ABCC11: variants seen among roughly 807,000 people sequenced by gnomAD.
ABCC11 encodes the protein ATP-binding cassette sub-family C member 11.
ABCC11 carries 135 observed loss-of-function variants against 149.3 expected under a neutral mutation model. That is an observed-to-expected ratio of 0.90 (90% CI 0.79 to 1.04). ABCC11 has a LOEUF of 1.04. Among genes scored for constraint, ABCC11 ranks in the 50% least tolerant of loss-of-function variants. The pLI, the probability that ABCC11 is intolerant of heterozygous loss-of-function variation, is 0.00. For missense variants in ABCC11, 1,680 were observed against 1,722.1 expected, an observed-to-expected ratio of 0.98 and a Z score of 0.43; for synonymous variants, 665 against 671.4, an observed-to-expected ratio of 0.99 and a Z score of 0.15.
chr16:48,165,150 C>T (rs1289631801), downstream of ABCC11: 2 of 152,340 alleles, frequency 1.3e-5, no homozygotes, highest in Non-Finnish European at 2.9e-5. Context: ...CAGTGTCCCA[C>T]AGCAGTTCTG....
intron 13 of ABCC11, among the ~76,000 whole-genome samples, chr16:48,203,996 C>T (rs547768312): frequency 5.3e-5 from 8 of 152,296 alleles, no homozygotes; most frequent in Non-Finnish European, 1.2e-4. Flanking sequence ...TTTAGTATTC[C>T]ATTATATGGT....
intron 23 of ABCC11, among the ~76,000 whole-genome samples, chr16:48,182,184 AC>A (rs1966478387): frequency 6.6e-6 from 1 of 152,270 alleles, no homozygotes; most frequent in Non-Finnish European, 1.5e-5. Flanking sequence ...TCCAGCACAT[AC>A]ATGCACTCCA....
Position 48,231,881 on chromosome 16 carries a change from C to A in ABCC11, c.41G>T (p.Gly14Val), listed in dbSNP as rs994432426. ...GTCGATGCCACGATTCACGAGGCCA[C>A]CAGAAGAGTTGGGCACCCAGTATGT... Reference protein sequence around the residue: ...KRTYWVPNSSGGLVNRGIDIG... With the variant: ...KRTYWVPNSSVGLVNRGIDIG... The change falls in exon 2 of 30, where the codon GGT becomes GTT. Residue 14 changes from glycine (G) to valine (V), a missense_variant. Coordinates refer to ENST00000356608, the MANE Select transcript of ABCC11 (RefSeq NM_001370497.1). 4.3e-6 allele frequency: 7 copies of A among 1,614,034 alleles called. No homozygotes were observed. The Admixed American group carries it at 6.7e-5, about 15-fold the overall frequency.
intron 6 of ABCC11, among the ~76,000 whole-genome samples, chr16:48,218,766 C>G (rs1280409954): frequency 6.6e-6 from 1 of 152,184 alleles, no homozygotes; most frequent in Non-Finnish European, 1.5e-5. Flanking sequence ...GTAAGATGTG[C>G]CTTTCACCTT....
Position 48,222,505 on chromosome 16 carries a change from C to T in ABCC11, c.777+93G>A, listed in dbSNP as rs774398237. The T allele has an allele frequency of 3.3e-4, 344 of 1,039,636 alleles. 2 individuals carry two copies. Among genetic ancestry groups the T allele is most frequent in the Non-Finnish European group, 4.5e-4 (309 of 691,758 alleles). 64.4% of individuals were successfully genotyped at this position (1,039,636 alleles called of 1,614,324 possible). On this transcript the variant is annotated intron_variant, in intron 6 of 29. Coordinates refer to ENST00000356608, the MANE Select transcript of ABCC11 (RefSeq NM_001370497.1). The stretch of plus-strand genomic sequence containing the variant: ...TTTCTCTTTCTCCTTCCTCTTCTAA[C>T]CCCCTTTTCTCCCTCTCTTGGCCCC...
chr16:48,243,508 A>T (rs1461011211), intron 1 of ABCC11, among the ~76,000 whole-genome samples: 1 of 152,098 alleles, frequency 6.6e-6, no homozygotes, highest in Non-Finnish European at 1.5e-5. Context: ...GATCCTGGAT[A>T]TTGGATCCTG....
intron 11 of ABCC11, chr16:48,209,757 G>A (rs917780037): frequency 4.6e-5 from 7 of 152,046 alleles, no homozygotes; most frequent in African/African-American, 1.5e-4. Flanking sequence ...TCGGGTCACG[G>A]GTGCACTAAA....
intron 23 of ABCC11, among the ~76,000 whole-genome samples, chr16:48,182,354 C>A (rs1367696800): frequency 4.6e-5 from 7 of 151,942 alleles, no homozygotes; most frequent in African/African-American, 1.4e-4. Flanking sequence ...CCCTCAGACG[C>A]CTGGGAGTGC....
At chr16:48,242,201 A>G (rs1365649240) in intron 1 of ABCC11, among the ~76,000 whole-genome samples, 1 of 152,158 alleles carries the variant, frequency 6.6e-6, no homozygotes, top group African/African-American at 2.4e-5. Flanking sequence ...GTTTACAAGA[A>G]AAAATCAAAC....
rs775374302 is a variant in ABCC11 at position 48,200,418 on chromosome 16, G to A, written c.1940C>T (p.Ala647Val). Residue 647 changes from alanine to valine, a missense_variant, in exon 15 of 30, where the codon GCC becomes GTC. Ala to Val is a moderately conservative substitution (Grantham distance 64). Coordinates refer to ENST00000356608, the MANE Select transcript of ABCC11 (RefSeq NM_001370497.1). ...GTAGATCTGACGGTCGGAATAGACGGCGCGGGCCAGGCTGATCCTCTGTTT... is the reference window on the plus strand; with the variant it reads ...GTAGATCTGACGGTCGGAATAGACGACGCGGGCCAGGCTGATCCTCTGTTT... ...GQKQRISLAR[A>V]VYSDRQIYLL... is the part of the protein sequence containing the mutation. The A allele has an allele frequency of 1.9e-6, 3 of 1,614,220 alleles. No individual in the cohort carries two copies. The South Asian group carries it at 3.3e-5, about 18-fold the overall frequency.
At chr16:48,226,024 A>G (rs994616168) in intron 4 of ABCC11, among the ~76,000 whole-genome samples, 10 of 152,010 alleles carry the variant, frequency 6.6e-5, no homozygotes, top group Non-Finnish European at 1.0e-4. Flanking sequence ...AGCAAACTCA[A>G]ATTGACTTAG....
At position 48,222,708 on chromosome 16, in the gene ABCC11, T is replaced by C. The variant is rs772776541; in HGVS notation, c.667A>G (p.Ser223Gly). ...GCTGTGCGTTGGTTGATGATCCAACTGGAGGAGAAACTCAGAGACTTCACA... is the reference window on the plus strand; with the variant it reads ...GCTGTGCGTTGGTTGATGATCCAACCGGAGGAGAAACTCAGAGACTTCACA... ...ECVKSLSFSS[S>G]WIINQRTAIR... The change falls in exon 6 of 30, where the codon AGT becomes GGT. Residue 223 changes from serine (S) to glycine (G), a missense_variant. Ser to Gly is a moderately conservative substitution (Grantham distance 56). Transcript: ENST00000356608. 6.8e-6 allele frequency: 11 copies of C among 1,614,182 alleles called. No individual in the cohort carries two copies. The South Asian group carries it at 1.2e-4, about 18-fold the overall frequency.
intron 23 of ABCC11, 76 bp from the exon 24 acceptor site, chr16:48,178,762 A>C: frequency 1.6e-6 from 2 of 1,283,628 alleles, no homozygotes; most frequent in Non-Finnish European, 2.2e-6. Flanking sequence ...CCTGATAACC[A>C]CTGATTGCCA....
intron 27 of ABCC11, among the ~76,000 whole-genome samples, chr16:48,170,630 T>C (rs1234436364): frequency 6.6e-6 from 1 of 152,222 alleles, no homozygotes; most frequent in Admixed American, 6.5e-5. Context: ...CTATTGAATG[T>C]ACGTACCAGG....
At chr16:48,216,575 A>T (rs954998642) in intron 6 of ABCC11, among the ~76,000 whole-genome samples, 3 of 152,252 alleles carry the variant, frequency 2.0e-5, no homozygotes, top group Non-Finnish European at 4.4e-5. Context: ...GTCTGCACAC[A>T]TAGAATGTGC....
chr16:48,231,096 G>A lies in ABCC11; in HGVS notation c.100-523C>T, dbSNP rs140475183. On this transcript the variant is annotated intron_variant, in intron 2 of 29. Transcript: ENST00000356608. ...AGATTCAGAATAGTGGTTACATCAGGTAGGAAGGGTTGGGGAATGACATGG... is the reference window on the plus strand; with the variant it reads ...AGATTCAGAATAGTGGTTACATCAGATAGGAAGGGTTGGGGAATGACATGG... Among the ~76,000 whole-genome samples the A allele has an allele frequency of 3.0e-3, 460 of 152,218 alleles. 1 individual carries two copies. Among genetic ancestry groups the A allele is most frequent in the Non-Finnish European group, 4.6e-3 (310 of 68,028 alleles).
intron 24 of ABCC11, 103 bp from the exon 25 acceptor site, chr16:48,177,216 A>G: frequency 8.3e-7 from 1 of 1,212,024 alleles, no homozygotes; most frequent in Non-Finnish European, 1.1e-6. Flanking sequence ...GACCCACCCC[A>G]GCCTGCCTTG....
intron 18 of ABCC11, 83 bp downstream of exon 18, chr16:48,196,149 T>G: frequency 3.5e-6 from 5 of 1,413,648 alleles, no homozygotes; most frequent in Non-Finnish European, 4.0e-6. Context: ...CTACTTCACA[T>G]GACCTCACGT....
chr16:48,219,571 A>G (rs1241883457), intron 6 of ABCC11, among the ~76,000 whole-genome samples: 1 of 152,210 alleles, frequency 6.6e-6, no homozygotes, highest in Non-Finnish European at 1.5e-5. Flanking sequence ...CTTCTATACT[A>G]TTTTATTTTG....
Sources: gnomAD v4.1 joint callset for allele counts (sites outside exome capture counted in the v4.1 genomes callset) on GRCh38, gnomAD v4.1.1 for gene constraint, MANE v1.5 for transcripts, NCBI Gene and HGNC (gene_info 2026-07-23, HGNC 2026-07-21) for gene names.